Variants in AFG2B observed in about 807,000 individuals in gnomAD.
AFG2B encodes the protein ATPase family gene 2 protein homolog B.
At chr15:45,403,077 C>T in the AFG2B span, 32 of 1,531,422 alleles carry the variant, frequency 2.1e-5, no homozygotes, top group Middle Eastern at 1.9e-4. Flanking sequence ...GGGAGCTCCT[C>T]CGCCTCCCGC....
At chr15:45,412,179 G>C in the AFG2B span, among the ~76,000 whole-genome samples, 3 of 151,912 alleles carry the variant, frequency 2.0e-5, no homozygotes, top group Non-Finnish European at 4.4e-5. Flanking sequence ...GAGGCAGGAG[G>C]ATCACGAGGT....
chr15:45,413,337 C>T, the AFG2B span, among the ~76,000 whole-genome samples: 2 of 152,152 alleles, frequency 1.3e-5, no homozygotes, highest in Non-Finnish European at 2.9e-5. Context: ...TTCTGATCAT[C>T]AGAACTACTT....
At chr15:45,415,118 T>C in the AFG2B span, among the ~76,000 whole-genome samples, 1 of 152,210 alleles carries the variant, frequency 6.6e-6, no homozygotes, top group African/African-American at 2.4e-5. Context: ...TTTTAACTCT[T>C]ACATAATACT....
the AFG2B span, chr15:45,414,672 C>T: frequency 8.1e-6 from 13 of 1,614,164 alleles, no homozygotes; most frequent in Non-Finnish European, 1.0e-5. Context: ...GTGCTAAAAC[C>T]ACTCTGGTGA....
chr15:45,412,163 G>C, the AFG2B span, among the ~76,000 whole-genome samples: 1 of 152,186 alleles, frequency 6.6e-6, no homozygotes, highest in Non-Finnish European at 1.5e-5. Flanking sequence ...AGCACTTTGG[G>C]AGGCCGAGGC....
the AFG2B span, chr15:45,414,613 A>G: frequency 6.2e-7 from 1 of 1,614,174 alleles, no homozygotes; most frequent in Non-Finnish European, 8.5e-7. Flanking sequence ...ATTTGTTAGA[A>G]TGGGCCTGAC....
the AFG2B span, among the ~76,000 whole-genome samples, chr15:45,409,099 C>T: frequency 0.14 from 20,876 of 152,012 alleles, 4,727 homozygotes; most frequent in African/African-American, 0.48. Flanking sequence ...AAATGGGCCA[C>T]GTGCGGTGGC....
At chr15:45,406,866 A>G in the AFG2B span, among the ~76,000 whole-genome samples, 1 of 152,238 alleles carries the variant, frequency 6.6e-6, no homozygotes, top group Non-Finnish European at 1.5e-5. Flanking sequence ...GTGATCTTCT[A>G]GTTGATCTTT....
chr15:45,419,173 C>T, the AFG2B span, among the ~76,000 whole-genome samples: 5 of 152,086 alleles, frequency 3.3e-5, no homozygotes, highest in African/African-American at 4.8e-5. Flanking sequence ...GTGGGCTAGG[C>T]GTGGTGGCTC....
chr15:45,406,798 C>G, the AFG2B span, among the ~76,000 whole-genome samples: 3 of 152,164 alleles, frequency 2.0e-5, no homozygotes, highest in Non-Finnish European at 4.4e-5. Context: ...TAATTTATAC[C>G]TTGCCTCACT....
chr15:45,416,098 A>G, the AFG2B span, among the ~76,000 whole-genome samples: 1 of 152,200 alleles, frequency 6.6e-6, no homozygotes, highest in African/African-American at 2.4e-5. Context: ...TCTTGTTTGC[A>G]TGTCCTAAAA....
chr15:45,415,671 A>G, the AFG2B span: 1 of 1,614,172 alleles, frequency 6.2e-7, no homozygotes, highest in Non-Finnish European at 8.5e-7. Flanking sequence ...CTCAGCCAGC[A>G]AGACAGGATG....
the AFG2B span, among the ~76,000 whole-genome samples, chr15:45,403,922 GAAGT>G: frequency 2.7e-3 from 417 of 152,304 alleles, 2 homozygotes; most frequent in African/African-American, 9.2e-3. Flanking sequence ...ATAGCCTCAA[GAAGT>G]AAGTGTGTTG....
At chr15:45,417,277 G>A in the AFG2B span, 1 of 1,613,706 alleles carries the variant, frequency 6.2e-7, no homozygotes, top group Non-Finnish European at 8.5e-7. Context: ...AGAGTTTCAA[G>A]AAGTTTTTAA....
the AFG2B span, among the ~76,000 whole-genome samples, chr15:45,418,037 T>G: frequency 6.6e-6 from 1 of 152,298 alleles, no homozygotes; most frequent in African/African-American, 2.4e-5. Context: ...TCTGATAGTA[T>G]TATTTGTACC....
At chr15:45,406,019 G>A in the AFG2B span, among the ~76,000 whole-genome samples, 8 of 151,844 alleles carry the variant, frequency 5.3e-5, no homozygotes, top group Non-Finnish European at 7.4e-5. Context: ...CCCTTTACCC[G>A]CGAAAACGTA....
At chr15:45,412,044 G>A in the AFG2B span, among the ~76,000 whole-genome samples, 1 of 151,484 alleles carries the variant, frequency 6.6e-6, no homozygotes. Context: ...GTTGCAGTGA[G>A]CCAAGACCAC....
the AFG2B span, among the ~76,000 whole-genome samples, chr15:45,414,236 C>T: frequency 3.9e-5 from 6 of 152,164 alleles, no homozygotes; most frequent in South Asian, 4.1e-4. Flanking sequence ...TCTTGGGGAA[C>T]GTTCAGGCAG....
chr15:45,406,575 C>T, the AFG2B span, among the ~76,000 whole-genome samples: 1 of 152,164 alleles, frequency 6.6e-6, no homozygotes, highest in African/African-American at 2.4e-5. Context: ...AAATATAATA[C>T]TTTTCAACTT....
Sources: allele counts gnomAD v4.1 joint callset (sites outside exome capture counted in the v4.1 genomes callset), GRCh38; gene constraint gnomAD v4.1.1; transcripts MANE v1.5; gene names NCBI Gene and HGNC (gene_info 2026-07-23, HGNC 2026-07-21).